Variants in RBFOX1 observed in about 807,000 individuals in gnomAD.
RBFOX1 encodes the protein RNA binding fox-1 homolog 1.
A neutral mutation model predicts 57.7 loss-of-function variants in RBFOX1; 8 were observed. The observed-to-expected ratio is 0.14, with a 90% confidence interval of 0.08 to 0.25. RBFOX1 has a LOEUF of 0.25. RBFOX1 is among the 10% of genes least tolerant of loss of function. RBFOX1 has a pLI of 1.00. For synonymous variants in RBFOX1, 326 were observed against 222.4 expected (o/e 1.47, Z -4.15); for missense variants, 611 against 548.5 (o/e 1.11, Z -1.14).
intron 1 of RBFOX1, among the ~76,000 whole-genome samples, chr16:6,299,881 C>T (rs1408408446): frequency 6.6e-6 from 1 of 152,130 alleles, no homozygotes; most frequent in Admixed American, 6.5e-5. Context: ...ACTAGAAGCC[C>T]ACACCCTCGT....
At chr16:6,904,855 C>T (rs776192804) in intron 3 of RBFOX1, among the ~76,000 whole-genome samples, 13 of 152,034 alleles carry the variant, frequency 8.6e-5, no homozygotes, top group Non-Finnish European at 1.8e-4. Context: ...TTTTGTTCTG[C>T]GTTGGGTGAA....
intron 1 of RBFOX1, among the ~76,000 whole-genome samples, chr16:6,169,458 A>G (rs776730528): frequency 2.0e-5 from 3 of 152,204 alleles, no homozygotes; most frequent in Non-Finnish European, 4.4e-5. Context: ...AAAAAGCTTC[A>G]GCCAAATTAA....
chr16:6,282,978 T>C (rs571362613), intron 1 of RBFOX1, among the ~76,000 whole-genome samples: 2 of 152,204 alleles, frequency 1.3e-5, no homozygotes, highest in Non-Finnish European at 2.9e-5. Flanking sequence ...CTGTGTACCA[T>C]TGTCACCCTG....
intron 2 of RBFOX1, among the ~76,000 whole-genome samples, chr16:5,566,510 G>A (rs1177538508): frequency 1.3e-5 from 2 of 151,916 alleles, no homozygotes; most frequent in Non-Finnish European, 2.9e-5. Context: ...TCAGTTTCGT[G>A]ATATTGGCTG....
chr16:5,266,944 A>G (rs2062874397), intron 1 of RBFOX1, among the ~76,000 whole-genome samples: 1 of 152,124 alleles, frequency 6.6e-6, no homozygotes, highest in South Asian at 2.1e-4. Context: ...AAGCATTTAG[A>G]AAAATTGGTC....
chr16:7,388,630 A>T (rs920926847), intron 4 of RBFOX1, among the ~76,000 whole-genome samples: 15 of 146,338 alleles, frequency 1.0e-4, no homozygotes, highest in African/African-American at 3.8e-4. Flanking sequence ...CCAACTTAAA[A>T]GTGGTTTCAC....
At chr16:7,055,087 TA>T (rs2051674958) in intron 4 of RBFOX1, among the ~76,000 whole-genome samples, 1 of 152,170 alleles carries the variant, frequency 6.6e-6, no homozygotes, top group African/African-American at 2.4e-5. Context: ...AAGGAGTCTT[TA>T]AAATGATCAT....
intron 3 of RBFOX1, among the ~76,000 whole-genome samples, chr16:6,951,201 C>A (rs766492471): frequency 6.6e-6 from 1 of 152,074 alleles, no homozygotes; most frequent in Non-Finnish European, 1.5e-5. Context: ...GCCAACAGGC[C>A]CTGCCTAACT....
At chr16:7,291,041 C>T (rs991883631) in intron 4 of RBFOX1, among the ~76,000 whole-genome samples, 3 of 152,156 alleles carry the variant, frequency 2.0e-5, no homozygotes, top group African/African-American at 2.4e-5. Flanking sequence ...ACATTCATAT[C>T]ATTAAAGCAG....
chr16:5,645,307 G>A (rs1347453318), intron 3 of RBFOX1, among the ~76,000 whole-genome samples: 1 of 151,776 alleles, frequency 6.6e-6, no homozygotes, highest in Non-Finnish European at 1.5e-5. Flanking sequence ...GAAAGAAGCT[G>A]CACACAAAAG....
intron 4 of RBFOX1, among the ~76,000 whole-genome samples, chr16:7,381,000 C>T (rs560803293): frequency 1.3e-5 from 2 of 152,264 alleles, no homozygotes; most frequent in South Asian, 2.1e-4. Flanking sequence ...TCCTAGTGTT[C>T]TGTCTTGCAT....
At chr16:7,082,555 A>G (rs2059362943) in intron 4 of RBFOX1, among the ~76,000 whole-genome samples, 1 of 150,796 alleles carries the variant, frequency 6.6e-6, no homozygotes, top group South Asian at 2.1e-4. Flanking sequence ...GAGTGAGACC[A>G]TGTCTCAAAA....
intron 4 of RBFOX1, among the ~76,000 whole-genome samples, chr16:7,148,409 T>A (rs2075456020): frequency 6.6e-6 from 1 of 152,202 alleles, no homozygotes; most frequent in African/African-American, 2.4e-5. Context: ...CTTTTGAATT[T>A]TCACCTCATC....
intron 4 of RBFOX1, among the ~76,000 whole-genome samples, chr16:5,884,157 A>C (rs2057836752): frequency 6.6e-6 from 1 of 152,222 alleles, no homozygotes; most frequent in South Asian, 2.1e-4. Flanking sequence ...GTGCCTGGCA[A>C]ATAGCAAGTT....
At chr16:6,439,481 G>A (rs1411091585) in intron 2 of RBFOX1, among the ~76,000 whole-genome samples, 1 of 152,160 alleles carries the variant, frequency 6.6e-6, no homozygotes, top group African/African-American at 2.4e-5. Context: ...CGAGGAATGT[G>A]GAACATCCCC....
intron 1 of RBFOX1, among the ~76,000 whole-genome samples, chr16:5,386,413 T>G (rs1185613636): frequency 1.3e-5 from 2 of 152,122 alleles, no homozygotes; most frequent in Non-Finnish European, 2.9e-5. Flanking sequence ...CCATCCTCAC[T>G]GCTGAGCCAC....
chr16:7,186,186 A>G (rs1257929607), intron 4 of RBFOX1, among the ~76,000 whole-genome samples: 1 of 149,866 alleles, frequency 6.7e-6, no homozygotes, highest in African/African-American at 2.4e-5. Context: ...ATGTATATAA[A>G]TATACATAAA....
At chr16:6,725,755 T>A (rs575977155) in intron 3 of RBFOX1, among the ~76,000 whole-genome samples, 1 of 152,330 alleles carries the variant, frequency 6.6e-6, no homozygotes, top group South Asian at 2.1e-4. Context: ...TTTCTATAAA[T>A]GAACCAAAAA....
At chr16:6,536,913 A>C (rs2096742885) in intron 2 of RBFOX1, among the ~76,000 whole-genome samples, 1 of 152,344 alleles carries the variant, frequency 6.6e-6, no homozygotes, top group Non-Finnish European at 1.5e-5. Context: ...TGACATATCT[A>C]AATTATGTGT....
Sources: gnomAD v4.1 joint callset for allele counts (sites outside exome capture counted in the v4.1 genomes callset) on GRCh38, gnomAD v4.1.1 for gene constraint, MANE v1.5 for transcripts, NCBI Gene and HGNC (gene_info 2026-07-23, HGNC 2026-07-21) for gene names.